The following MSRA variants were observed in gnomAD, a reference collection of about 807,000 sequenced individuals.
MSRA encodes the protein methionine sulfoxide reductase A.
Under a neutral mutation model 31.3 loss-of-function variants are expected in MSRA, and 54 were observed. The observed-to-expected ratio is 1.73, with a 90% CI of 1.39 to 2.17. MSRA has a LOEUF of 2.17. Ranked by LOEUF, MSRA falls within the 30% of genes most tolerant of loss-of-function variation. The probability of loss-of-function intolerance (pLI) is 0.00; values close to 1 mark genes in which losing one functional copy is unlikely to be tolerated. For missense variants in MSRA, 507 were observed against 300.9 expected, an observed-to-expected ratio of 1.69 and a Z score of -5.07; for synonymous variants, 169 against 116.5, an observed-to-expected ratio of 1.45 and a Z score of -2.90.
At chr8:10,408,583 G>A (rs1456881479) in intron 5 of MSRA, among the ~76,000 whole-genome samples, 3 of 152,124 alleles carry the variant, frequency 2.0e-5, no homozygotes, top group South Asian at 2.1e-4. Context: ...AAAAATCCAG[G>A]TTTTAATTTA....
chr8:10,265,981 A>T lies in MSRA; in HGVS notation c.331+20758A>T, dbSNP rs144354028. Among the ~76,000 whole-genome samples the T allele has an allele frequency of 7.0e-4, 106 of 152,324 alleles. 3 individuals carry two copies. The South Asian group carries it at 0.016, about 24-fold the overall frequency. ...TGATATTCTCTTGTATGGATGAAGC[A>T]TCCTTTTCCCTGCTGATGAACAGTC... is the stretch of plus-strand genomic sequence containing the variant. On this transcript the variant is annotated intron_variant, in intron 3 of 5. Transcript: ENST00000317173.
At chr8:10,414,381 TCTTA>T (rs757137574) in intron 5 of MSRA, among the ~76,000 whole-genome samples, 1 of 152,164 alleles carries the variant, frequency 6.6e-6, no homozygotes, top group Non-Finnish European at 1.5e-5. Flanking sequence ...ATCCAGTGCT[TCTTA>T]CTTAACAGAA....
chr8:10,386,735 C>A (rs1376719768), intron 5 of MSRA, among the ~76,000 whole-genome samples: 2 of 152,076 alleles, frequency 1.3e-5, no homozygotes, highest in African/African-American at 2.4e-5. Flanking sequence ...CTAATTTAGC[C>A]TGCACAGGTG....
chr8:10,167,763 A>G (rs371584916), intron 1 of MSRA, among the ~76,000 whole-genome samples: 3 of 152,150 alleles, frequency 2.0e-5, no homozygotes, highest in African/African-American at 4.8e-5. Context: ...GGGTCCATGC[A>G]TGAATGCTGA....
chr8:10,235,007 G>A (rs934403362), intron 2 of MSRA, among the ~76,000 whole-genome samples: 1 of 152,090 alleles, frequency 6.6e-6, no homozygotes, highest in Non-Finnish European at 1.5e-5. Context: ...AGAATCAGAT[G>A]TCTCAATTTG....
chr8:10,062,580 G>T (rs1157502703), intron 1 of MSRA, among the ~76,000 whole-genome samples: 1 of 152,186 alleles, frequency 6.6e-6, no homozygotes, highest in Non-Finnish European at 1.5e-5. Flanking sequence ...CCTCTGAGCA[G>T]TATCATGCCA....
chr8:10,129,154 ACT>A (rs1801718595), intron 1 of MSRA, among the ~76,000 whole-genome samples: 3 of 151,756 alleles, frequency 2.0e-5, no homozygotes, highest in South Asian at 2.1e-4. Flanking sequence ...AGTGACGGAG[ACT>A]CTGTTTTTTA....
chr8:10,054,409 CTGCCG>C lies in MSRA; in HGVS notation c.-107_-103del. 4.7e-5 allele frequency: 48 copies of C among 1,027,226 alleles called. No individual in the cohort carries two copies. Among genetic ancestry groups the C allele is most frequent in the Non-Finnish European group, 5.4e-5 (43 of 793,690 alleles). The allele number at this position is 1,027,226 out of a possible 1,614,324, so 63.6% of individuals were successfully genotyped here. ...GCCCCGCGCCCGCCCGCCCGCGCCC[CTGCCG>C]CCCCCCGGTTCCGGCCGCGGACCCC... On this transcript the variant is annotated 5_prime_UTR_variant, in exon 1 of 6. Coordinates refer to ENST00000317173, the MANE Select transcript of MSRA (RefSeq NM_012331.5).
rs377334413 is a variant in MSRA at position 10,363,738 on chromosome 8, C to CACACACACA, written c.543+43749_543+43750insACACACACA. ...TGGGCAACCAAGCAAGATGCAGTCA[C>CACACACACA]CACACACACACACACACACACACAC... On this transcript the variant is annotated intron_variant, in intron 5 of 5. Coordinates refer to ENST00000317173, the MANE Select transcript of MSRA (RefSeq NM_012331.5). 5.8e-4 allele frequency among the ~76,000 whole-genome samples: 60 copies of CACACACACA among 103,370 alleles called. 1 individual carries two copies. Among genetic ancestry groups the CACACACACA allele is most frequent in the African/African-American group, 2.0e-3 (59 of 29,954 alleles). The allele number at this position is 103,370 out of a possible 152,430, so 67.8% of individuals were successfully genotyped here. A position where few individuals can be genotyped will look rare whatever the true frequency, so the allele number is the denominator to read the frequency against.
chr8:10,416,953 C>G (rs1442141606), intron 5 of MSRA, among the ~76,000 whole-genome samples: 1 of 152,220 alleles, frequency 6.6e-6, no homozygotes, highest in Non-Finnish European at 1.5e-5. Flanking sequence ...AGTCTGAAGA[C>G]ACTGTGATTT....
At chr8:10,400,246 G>T (rs541374818) in intron 5 of MSRA, among the ~76,000 whole-genome samples, 88 of 152,074 alleles carry the variant, frequency 5.8e-4, no homozygotes, top group Non-Finnish European at 1.2e-3. Context: ...GGGGCTAAGA[G>T]TGGGAAATGA....
chr8:10,349,437 G>C (rs1285320739), intron 5 of MSRA, among the ~76,000 whole-genome samples: 2 of 152,022 alleles, frequency 1.3e-5, no homozygotes, highest in Admixed American at 6.6e-5. Flanking sequence ...TATTCTTCAG[G>C]GTTTAATGAA....
At chr8:10,395,569 G>C (rs1325895029) in intron 5 of MSRA, among the ~76,000 whole-genome samples, 1 of 152,186 alleles carries the variant, frequency 6.6e-6, no homozygotes, top group Admixed American at 6.5e-5. Flanking sequence ...TGATGTTCGA[G>C]GAGTTTGAAG....
At chr8:10,361,211 A>T (rs1804826355) in intron 5 of MSRA, among the ~76,000 whole-genome samples, 1 of 152,320 alleles carries the variant, frequency 6.6e-6, no homozygotes, top group African/African-American at 2.4e-5. Context: ...CACCTTTCCC[A>T]AGATAACAGG....
chr8:10,116,408 TAGTG>T (rs1234580098), intron 1 of MSRA, among the ~76,000 whole-genome samples: 1 of 152,162 alleles, frequency 6.6e-6, no homozygotes, highest in Admixed American at 6.5e-5. Flanking sequence ...TCTTTTCACA[TAGTG>T]AGTAAAAAGT....
At chr8:10,137,817 A>G (rs951663404) in intron 1 of MSRA, among the ~76,000 whole-genome samples, 3 of 152,156 alleles carry the variant, frequency 2.0e-5, no homozygotes, top group African/African-American at 7.2e-5. Flanking sequence ...TACGTTAATT[A>G]TATAGCTATA....
intron 2 of MSRA, among the ~76,000 whole-genome samples, chr8:10,233,830 ATATTTTAAGCCC>A (rs1811702961): frequency 2.0e-5 from 3 of 152,238 alleles, no homozygotes; most frequent in South Asian, 4.1e-4. Flanking sequence ...TATTCAAAGT[ATATTTTAAGCCC>A]TAAGCAAGAT....
chr8:10,370,319 C>T (rs754428160), intron 5 of MSRA, among the ~76,000 whole-genome samples: 1 of 152,214 alleles, frequency 6.6e-6, no homozygotes, highest in Non-Finnish European at 1.5e-5. Context: ...CTCCCACTAC[C>T]AGAGTACTGC....
At position 10,054,636 on chromosome 8, in the gene MSRA, G is replaced by A. The variant is rs1802192573; in HGVS notation, c.120G>A (p.Arg40=). ...GCCCCCAGGAGGCCTTGCCGGGCCG[G>A]AAGGAACAGACCCCTGTAGCGGGTA... ...IVSPQEALPG[R]KEQTPVAAKH... Residue 40 remains arginine (R), a synonymous_variant, in exon 1 of 6, where the codon CGG becomes CGA. Coordinates refer to ENST00000317173, the MANE Select transcript of MSRA (RefSeq NM_012331.5). 6 of 1,575,756 alleles carry A rather than the reference G, an allele frequency of 3.8e-6. No individual in the cohort carries two copies. Among genetic ancestry groups the A allele is most frequent in the Non-Finnish European group, 5.2e-6 (6 of 1,161,698 alleles).
Sources: gnomAD v4.1 joint callset for allele counts (sites outside exome capture counted in the v4.1 genomes callset) on GRCh38, gnomAD v4.1.1 for gene constraint, MANE v1.5 for transcripts, NCBI Gene and HGNC (gene_info 2026-07-23, HGNC 2026-07-21) for gene names.